Variants in ANO2 observed in about 807,000 individuals in gnomAD.
ANO2 encodes the protein anoctamin-2.
A neutral mutation model predicts 124.2 loss-of-function variants in ANO2; 101 were observed. That is an observed-to-expected ratio of 0.81 (90% CI 0.69 to 0.96). The LOEUF is 0.96. ANO2 is among the 40% of genes least tolerant of loss of function. ANO2 has a pLI of 0.00. For synonymous variants in ANO2, 486 were observed against 482.5 expected, an observed-to-expected ratio of 1.01 and a Z score of -0.09; for missense variants, 1,293 against 1,274.5, an observed-to-expected ratio of 1.01 and a Z score of -0.22.
intron 14 of ANO2, among the ~76,000 whole-genome samples, chr12:5,727,186 C>A (rs1950472094): frequency 6.6e-6 from 1 of 152,040 alleles, no homozygotes; most frequent in South Asian, 2.1e-4. Context: ...TGGCTTGGTG[C>A]TGTCTTTGCA....
At chr12:5,918,438 CTTTTT>C in intron 3 of ANO2, among the ~76,000 whole-genome samples, 1 of 118,944 alleles carries the variant, frequency 8.4e-6, no homozygotes, top group African/African-American at 3.2e-5. Flanking sequence ...TAACTTGAAT[CTTTTT>C]TTTTTTTTTT....
At chr12:5,592,393 G>A (rs953957177) in intron 20 of ANO2, among the ~76,000 whole-genome samples, 4 of 152,074 alleles carry the variant, frequency 2.6e-5, no homozygotes, top group Non-Finnish European at 4.4e-5. Context: ...GGGCAAATGT[G>A]TCTGAGCCTG....
At chr12:5,783,430 T>G (rs1026303357) in intron 10 of ANO2, among the ~76,000 whole-genome samples, 10 of 152,174 alleles carry the variant, frequency 6.6e-5, no homozygotes, top group African/African-American at 2.4e-4. Flanking sequence ...AGTCCCACCT[T>G]TGTTCTTCAT....
intron 14 of ANO2, among the ~76,000 whole-genome samples, chr12:5,665,056 A>G (rs1947631470): frequency 6.6e-6 from 1 of 151,958 alleles, no homozygotes; most frequent in Admixed American, 6.6e-5. Context: ...ATTTGACCTT[A>G]AGCCAACCAA....
Position 5,628,683 on chromosome 12 carries a change from T to C in ANO2, c.1816+6469A>G, listed in dbSNP as rs75059402. Reference sequence around the variant, plus strand: ...TAAGCAGAGAGTGTGTGTGTGTGTGTGTGTGCGCGCGCGCACGCGTGCGTG... The same window carrying C: ...TAAGCAGAGAGTGTGTGTGTGTGTGCGTGTGCGCGCGCGCACGCGTGCGTG... On this transcript the variant is annotated intron_variant, in intron 16 of 24. Coordinates refer to ENST00000682330, the MANE Select transcript of ANO2 (RefSeq NM_001364791.2). 3.0e-4 allele frequency among the ~76,000 whole-genome samples: 39 copies of C among 130,474 alleles called. 1 individual carries two copies. The highest frequency in any genetic ancestry group is 2.7e-3 in the East Asian group (10 of 3,754). 85.6% of individuals were successfully genotyped at this position (130,474 alleles called of 152,430 possible).
At chr12:5,943,269 GTGTGTGTT>G (rs1291426552) in intron 1 of ANO2, among the ~76,000 whole-genome samples, 4 of 90,222 alleles carry the variant, frequency 4.4e-5, no homozygotes, top group Admixed American at 1.5e-4. Flanking sequence ...CTGTGTTTGA[GTGTGTGTT>G]TGTGTGTGTG....
At chr12:5,783,452 C>G (rs575160892) in intron 10 of ANO2, among the ~76,000 whole-genome samples, 1 of 152,286 alleles carries the variant, frequency 6.6e-6, no homozygotes, top group Admixed American at 6.5e-5. Flanking sequence ...ATCTCTACCC[C>G]TAGGGGAACG....
intron 16 of ANO2, among the ~76,000 whole-genome samples, chr12:5,628,572 T>C (rs972278002): frequency 1.3e-5 from 2 of 152,156 alleles, no homozygotes; most frequent in Non-Finnish European, 2.9e-5. Context: ...AATGGGAGTA[T>C]TAAGATTACC....
chr12:5,784,280 T>C (rs565174849), intron 10 of ANO2, among the ~76,000 whole-genome samples: 2 of 152,182 alleles, frequency 1.3e-5, no homozygotes, highest in Non-Finnish European at 2.9e-5. Context: ...GCCCTTCTTG[T>C]TTCTGTCCAA....
At chr12:5,921,489 G>T in intron 2 of ANO2, 123 bp from the exon 3 acceptor site, 1 of 936,794 alleles carries the variant, frequency 1.1e-6, no homozygotes, top group Non-Finnish European at 1.6e-6. Context: ...CAGGCCCAAA[G>T]GCCCCCAGTG....
chr12:5,642,159 T>C (rs1182792957), intron 15 of ANO2, among the ~76,000 whole-genome samples: 5 of 152,204 alleles, frequency 3.3e-5, no homozygotes, highest in African/African-American at 9.7e-5. Flanking sequence ...TATTCTCCCC[T>C]ATCCCTTTTC....
At chr12:5,820,582 G>A (rs1192438626) in intron 7 of ANO2, among the ~76,000 whole-genome samples, 1 of 152,198 alleles carries the variant, frequency 6.6e-6, no homozygotes, top group African/African-American at 2.4e-5. Flanking sequence ...AGCTACTATG[G>A]TGGGAAAGGT....
At chr12:5,666,249 T>C (rs909452558) in intron 14 of ANO2, among the ~76,000 whole-genome samples, 3 of 152,156 alleles carry the variant, frequency 2.0e-5, no homozygotes, top group Non-Finnish European at 4.4e-5. Context: ...GGACAATGAA[T>C]ACATAACAGA....
intron 14 of ANO2, 121 bp downstream of exon 14, chr12:5,732,399 A>G: frequency 1.3e-6 from 1 of 743,974 alleles, no homozygotes; most frequent in Non-Finnish European, 2.2e-6. Flanking sequence ...CTCTCATCTC[A>G]TCCTGCCCCA....
chr12:5,618,167 G>A (rs927372667), intron 16 of ANO2, among the ~76,000 whole-genome samples: 1 of 152,210 alleles, frequency 6.6e-6, no homozygotes, highest in African/African-American at 2.4e-5. Flanking sequence ...GACCAAACAG[G>A]AGCCCCTCCC....
chr12:5,874,583 C>T (rs1478934344), intron 3 of ANO2, among the ~76,000 whole-genome samples: 3 of 152,186 alleles, frequency 2.0e-5, no homozygotes, highest in Admixed American at 6.5e-5. Flanking sequence ...CAGCTGCGAG[C>T]GTGCACCTCT....
At chr12:5,670,096 G>A (rs1466108327) in intron 14 of ANO2, among the ~76,000 whole-genome samples, 2 of 152,136 alleles carry the variant, frequency 1.3e-5, no homozygotes, top group African/African-American at 2.4e-5. Flanking sequence ...AAGAGCACAC[G>A]TGTGGGATTT....
intron 13 of ANO2, among the ~76,000 whole-genome samples, chr12:5,737,355 C>T (rs1244893295): frequency 6.6e-6 from 1 of 152,196 alleles, no homozygotes; most frequent in East Asian, 1.9e-4. Context: ...TACCATGGCT[C>T]ATTGGGTTAA....
chr12:5,926,468 AC>A (rs1942084393), intron 1 of ANO2, among the ~76,000 whole-genome samples: 2 of 151,014 alleles, frequency 1.3e-5, no homozygotes. Flanking sequence ...GCCAGTCTCC[AC>A]CCCCTCTCTC....
Sources: gnomAD v4.1 joint callset for allele counts (sites outside exome capture counted in the v4.1 genomes callset) on GRCh38, gnomAD v4.1.1 for gene constraint, MANE v1.5 for transcripts, NCBI Gene and HGNC (gene_info 2026-07-23, HGNC 2026-07-21) for gene names.